Variants in WNT5B observed in about 807,000 individuals in gnomAD.
WNT5B encodes Wnt family member 5B, also known as protein Wnt-5b.
A neutral mutation model predicts 36.5 loss-of-function variants in WNT5B; 18 were observed. That is an observed-to-expected ratio of 0.49 (90% CI 0.34 to 0.73). The LOEUF is 0.73. Ranked by LOEUF, WNT5B falls within the 30% of genes least tolerant of loss-of-function variation. The pLI is 0.01. For missense variants in WNT5B, 424 were observed against 508.4 expected, an observed-to-expected ratio of 0.83 and a Z score of 1.60; for synonymous variants, 213 against 212.3, an observed-to-expected ratio of 1.00 and a Z score of -0.03.
At chr12:1,643,685 G>GC (rs1555160238) in intron 4 of WNT5B, among the ~76,000 whole-genome samples, 3 of 62,640 alleles carry the variant, frequency 4.8e-5, no homozygotes, top group Non-Finnish European at 9.5e-5. Context: ...ATTTTTGAAA[G>GC]CTTTTTTTTT....
chr12:1,640,195 C>T (rs182867219), intron 4 of WNT5B, among the ~76,000 whole-genome samples: 5 of 152,306 alleles, frequency 3.3e-5, no homozygotes, highest in African/African-American at 1.2e-4. Context: ...TTCTTTTCTT[C>T]TTTTCTTTTT....
upstream of WNT5B, among the ~76,000 whole-genome samples, chr12:1,628,963 G>T (rs1324196284): frequency 1.3e-5 from 2 of 152,002 alleles, no homozygotes; most frequent in Non-Finnish European, 2.9e-5. Flanking sequence ...GTGTGTATGG[G>T]GGAGTTCAGT....
rs1433229438 is a variant in WNT5B at position 1,633,321 on chromosome 12, T to C, written c.328+416T>C. 6.6e-6 allele frequency among the ~76,000 whole-genome samples: 1 copy of C among 152,166 alleles called. No homozygotes were observed. Among genetic ancestry groups the C allele is most frequent in the Non-Finnish European group, 1.5e-5 (1 of 68,028 alleles). On this transcript the variant is annotated intron_variant, in intron 3 of 4. Transcript: ENST00000397196. This position sits in a 1 kb window ranked among gnomAD's most constrained non-coding sequence, Gnocchi z 4.8. ...AGAAATTGCAGCCCTGAATGTCTGT[T>C]GGATTTTTGCCTCTTCCACTTCAAC...
intron 1 of WNT5B, chr12:1,629,772 A>C (rs1375001230): frequency 7.4e-6 from 1 of 135,894 alleles, no homozygotes; most frequent in Non-Finnish European, 1.6e-5. Context: ...GCATTCACAG[A>C]CCTTCTGCCC....
At chr12:1,631,045 T>C (rs1356612931) in intron 1 of WNT5B, 1 of 242,346 alleles carries the variant, frequency 4.1e-6, no homozygotes, top group Non-Finnish European at 7.9e-6. Context: ...TCATTTCTCT[T>C]TGTGGTTTCT....
upstream of WNT5B, among the ~76,000 whole-genome samples, chr12:1,627,376 G>A (rs542924243): frequency 6.6e-6 from 1 of 152,320 alleles, no homozygotes; most frequent in African/African-American, 2.4e-5. The surrounding 1 kb of genome is among the most constrained non-coding windows in gnomAD (Gnocchi z 5.0). Flanking sequence ...TGCTGGGGAA[G>A]TCAGTTCTAG....
At chr12:1,622,352 A>G (rs1195935633) in intron 1 of WNT5B, among the ~76,000 whole-genome samples, 1 of 151,986 alleles carries the variant, frequency 6.6e-6, no homozygotes, top group East Asian at 1.9e-4. Context: ...CCCCAGCTAG[A>G]CCAATGCACC....
chr12:1,623,245 G>T (rs1314823061), intron 1 of WNT5B, among the ~76,000 whole-genome samples: 15 of 132,240 alleles, frequency 1.1e-4, no homozygotes, highest in African/African-American at 3.8e-4. Context: ...GCCCAGGCCG[G>T]ACTGCAGTGG....
chr12:1,635,468 G>A (rs756999987), intron 3 of WNT5B, among the ~76,000 whole-genome samples: 7 of 152,234 alleles, frequency 4.6e-5, no homozygotes, highest in Non-Finnish European at 8.8e-5. Context: ...GCAGCAGGCA[G>A]GAATCATAAG....
intron 2 of WNT5B, 33 bp downstream of exon 2, chr12:1,631,467 A>C (rs1178853329): frequency 6.2e-7 from 1 of 1,613,494 alleles, no homozygotes; most frequent in Non-Finnish European, 8.5e-7. Context: ...CTGCCTGCAC[A>C]GCCGGAGGCC....
Position 1,645,726 on chromosome 12 carries a change from C to A in WNT5B, c.622-68C>A. The A allele has an allele frequency of 4.5e-4, 666 of 1,474,268 alleles. 1 individual carries two copies. The highest frequency in any genetic ancestry group is 4.1e-4 in the Middle Eastern group (2 of 4,846). 91.3% of individuals were successfully genotyped at this position (1,474,268 alleles called of 1,614,324 possible). A position where few individuals can be genotyped will look rare whatever the true frequency, so the allele number is the denominator to read the frequency against. On this transcript the variant is annotated intron_variant, in intron 4 of 4. Transcript: ENST00000397196. ...CTCCTGTGTACTAGGCCTGTGGCTA[C>A]CCCAGCCACCCTCTGGGCCTCTTCC...
At position 1,632,175 on chromosome 12, in the gene WNT5B, A is replaced by G. The variant is rs1293352000; in HGVS notation, c.81-483A>G. ...CCACGCAAAGGATTGATTGCTTTCC[A>G]TGGCTTATCATGTACTTGGGCTGCA... On this transcript the variant is annotated intron_variant, in intron 2 of 4. Transcript: ENST00000397196. This position sits in a 1 kb window ranked among gnomAD's most constrained non-coding sequence, Gnocchi z 5.8. Among the ~76,000 whole-genome samples the G allele has an allele frequency of 6.6e-6, 1 of 152,196 alleles. No homozygotes were observed. The highest frequency in any genetic ancestry group is 1.5e-5 in the Non-Finnish European group (1 of 68,022).
At position 1,632,667 on chromosome 12, in the gene WNT5B, T is replaced by C; in HGVS notation, c.90T>C (p.Ala30=). 1 of 1,603,898 alleles carries C rather than the reference T, an allele frequency of 6.2e-7. No individual in the cohort carries two copies. The highest frequency in any genetic ancestry group is 8.5e-7 in the Non-Finnish European group (1 of 1,171,300). The change falls in exon 3 of 5, where the codon GCT becomes GCC. Residue 30 remains alanine, a synonymous_variant. Coordinates refer to ENST00000397196, the MANE Select transcript of WNT5B (RefSeq NM_032642.3). This position sits in a 1 kb window ranked among gnomAD's most constrained non-coding sequence, Gnocchi z 5.8. ...TGGATTGCTGTCCTAGGTCATTAGC[T>C]TTGAACCCGGTGCAGAGACCCGAGA... is the stretch of plus-strand genomic sequence containing the variant. ...LTDANSWWSL[A]LNPVQRPEMF...
At chr12:1,628,193 G>A (rs1453311329), upstream of WNT5B, among the ~76,000 whole-genome samples, 1 of 149,436 alleles carries the variant, frequency 6.7e-6, no homozygotes, top group Non-Finnish European at 1.5e-5. Context: ...GTCTTGCTCT[G>A]TCACCCGGCT....
Position 1,630,777 on chromosome 12 carries a change from G to A in WNT5B, c.-57-521G>A, listed in dbSNP as rs117899417. The A allele has an allele frequency of 3.8e-3, 585 of 152,958 alleles. 4 individuals carry two copies. The highest frequency in any genetic ancestry group is 5.9e-3 in the Non-Finnish European group (404 of 68,500). 9.5% of individuals were successfully genotyped at this position (152,958 alleles called of 1,614,324 possible). Reference sequence around the variant, plus strand: ...GCTGAGGGTGAGAAGGGCGCAGATGGAGAGGGGAGACTCCTCCCTGGGTGC... The same window carrying A: ...GCTGAGGGTGAGAAGGGCGCAGATGAAGAGGGGAGACTCCTCCCTGGGTGC... On this transcript the variant is annotated intron_variant, in intron 1 of 4. Transcript: ENST00000397196. The surrounding 1 kb of genome is among the most constrained non-coding windows in gnomAD (Gnocchi z 5.3).
At chr12:1,639,543 A>T (rs971451574) in intron 3 of WNT5B, 141 bp from the exon 4 acceptor site, 2 of 860,168 alleles carry the variant, frequency 2.3e-6, no homozygotes, top group African/African-American at 1.8e-5. Flanking sequence ...TCCAAGCGTT[A>T]GAGCTACGGG....
chr12:1,617,285 A>G (rs2094528170), intron 1 of WNT5B: 1 of 145,118 alleles, frequency 6.9e-6, no homozygotes, highest in Non-Finnish European at 1.5e-5. Context: ...CATTTAGTAC[A>G]ATGATTATCA....
In WNT5B at chr12:1,646,305, TTATATAAATC is replaced by T. The variant is rs1174472003; in HGVS notation, c.*67_*76del. On this transcript the variant is annotated 3_prime_UTR_variant, in exon 5 of 5. Coordinates refer to ENST00000397196, the MANE Select transcript of WNT5B (RefSeq NM_032642.3). ...GCACTCTGCCTCACAAAGGTCTATA[TTATATAAATC>T]TATATAAATCTATTTTATATTTGTA... 2.1e-6 allele frequency: 3 copies of T among 1,412,894 alleles called. No homozygotes were observed. The highest frequency in any genetic ancestry group is 1.5e-5 in the African/African-American group (1 of 68,796). 87.5% of individuals were successfully genotyped at this position (1,412,894 alleles called of 1,614,324 possible).
chr12:1,626,731 AT>A (rs558101083), upstream of WNT5B, among the ~76,000 whole-genome samples: 18 of 151,560 alleles, frequency 1.2e-4, no homozygotes, highest in South Asian at 4.2e-4. Flanking sequence ...CACTGGGCTA[AT>A]TTTTTTGTAT....
Sources: allele counts gnomAD v4.1 joint callset (sites outside exome capture counted in the v4.1 genomes callset), GRCh38; gene constraint gnomAD v4.1.1; non-coding constraint Gnocchi (gnomAD v3.1); transcripts MANE v1.5; gene names NCBI Gene and HGNC (gene_info 2026-07-23, HGNC 2026-07-21).